The following NCKAP1 variants were observed in gnomAD, a reference collection of about 807,000 sequenced individuals.
NCKAP1 encodes NCK associated protein 1, also known as nck-associated protein 1.
NCKAP1 carries 21 observed loss-of-function variants against 151.2 expected under a neutral mutation model. That is an observed-to-expected ratio of 0.14 (90% CI 0.10 to 0.20). The LOEUF (loss-of-function observed/expected upper bound fraction) is 0.20. Among genes scored for constraint, NCKAP1 ranks in the 10% least tolerant of loss-of-function variants. The pLI is 1.00. For missense variants in NCKAP1, 933 were observed against 1,352.1 expected (o/e 0.69, Z 4.86); for synonymous variants, 484 against 451.8 (o/e 1.07, Z -0.90).
intron 1 of NCKAP1, among the ~76,000 whole-genome samples, chr2:183,034,208 C>G (rs1163695004): frequency 1.3e-5 from 2 of 152,006 alleles, no homozygotes; most frequent in African/African-American, 4.8e-5. Context: ...TAAAGACTTT[C>G]AATTTTACAA....
chr2:182,974,411 G>A (rs926486269), intron 15 of NCKAP1, among the ~76,000 whole-genome samples: 4 of 152,080 alleles, frequency 2.6e-5, no homozygotes, highest in African/African-American at 9.7e-5. Context: ...ACCTCAGAAT[G>A]TGACCTTATT....
chr2:182,957,690 T>C (rs1468367171), intron 18 of NCKAP1, 94 bp from the exon 19 acceptor site: 19 of 1,306,934 alleles, frequency 1.5e-5, no homozygotes, highest in Admixed American at 4.5e-5. Flanking sequence ...CCAGGCTGTG[T>C]TGCAAATATC....
chr2:182,929,094 A>G (rs1036341737), intron 27 of NCKAP1, among the ~76,000 whole-genome samples, 195 bp from the exon 28 acceptor site: 1 of 152,004 alleles, frequency 6.6e-6, no homozygotes, highest in African/African-American at 2.4e-5. Flanking sequence ...AGTTTATATT[A>G]CAATGGACTA....
intron 1 of NCKAP1, among the ~76,000 whole-genome samples, chr2:183,036,767 T>A (rs1241518975): frequency 6.7e-6 from 1 of 148,402 alleles, no homozygotes. Flanking sequence ...TACATCAAAT[T>A]GTAAAAAATA....
In NCKAP1 at chr2:182,942,098, C is replaced by T. The variant is rs770916184; in HGVS notation, c.2667G>A (p.Gln889=). Residue 889 remains glutamine, a synonymous_variant, in exon 24 of 31, where the codon CAG becomes CAA. Coordinates refer to ENST00000361354, the MANE Select transcript of NCKAP1 (RefSeq NM_013436.5). The part of the protein sequence containing the change: ...QMRTSFDKPD[Q]MAALFKRLSS... ...ATAATCTTTTAAACAGTGCAGCCAT[C>T]TGGTCTGGTTTGTCAAAGCTGGTCC... 3.1e-6 allele frequency: 5 copies of T among 1,613,242 alleles called. No homozygotes were observed. The highest frequency in any genetic ancestry group is 2.2e-5 in the South Asian group (2 of 90,970).
chr2:183,004,055 G>A lies in NCKAP1; in HGVS notation c.220-730C>T, dbSNP rs528140268. On this transcript the variant is annotated intron_variant, in intron 2 of 30. Transcript: ENST00000361354. The stretch of plus-strand genomic sequence containing the variant: ...TTTTTAATGCCCTATAAGATTCTCA[G>A]AATTCCAATAAATGATCTAGAACCT... Among the ~76,000 whole-genome samples the A allele has an allele frequency of 5.3e-5, 8 of 152,162 alleles. 1 individual carries two copies. Among genetic ancestry groups the A allele is most frequent in the African/African-American group, 1.9e-4 (8 of 41,514 alleles).
intron 1 of NCKAP1, among the ~76,000 whole-genome samples, chr2:183,035,979 G>A (rs1430282347): frequency 1.3e-5 from 2 of 152,060 alleles, no homozygotes; most frequent in African/African-American, 4.8e-5. Context: ...TATTTCTTAA[G>A]AAACTAAAAA....
chr2:182,957,889 C>T (rs1246007557), intron 18 of NCKAP1, among the ~76,000 whole-genome samples: 1 of 151,976 alleles, frequency 6.6e-6, no homozygotes, highest in Non-Finnish European at 1.5e-5. Flanking sequence ...TAAAAACATA[C>T]CAGGCAAGCA....
chr2:183,038,203 C>T lies in NCKAP1; in HGVS notation c.-104G>A. ...GGGCCTCCTCCCCTCCCGCCCGCGA[C>T]CTCCGCCTTAGGAGAGCGCGCCCAT... On this transcript the variant is annotated 5_prime_UTR_variant, in exon 1 of 31. Coordinates refer to ENST00000361354, the MANE Select transcript of NCKAP1 (RefSeq NM_013436.5). The T allele has an allele frequency of 1.3e-6, 1 of 777,642 alleles. No individual in the cohort carries two copies. The highest frequency in any genetic ancestry group is 2.1e-5 in the South Asian group (1 of 47,414). 48.2% of individuals were successfully genotyped at this position (777,642 alleles called of 1,614,324 possible).
In NCKAP1 at chr2:183,027,699, T is replaced by A. The variant is rs1408385606; in HGVS notation, c.109-3783A>T. Reference sequence around the variant, plus strand: ...GCAAGATCCTATCTCTACAAAAAAATTTTTAAAAAAACTTTAAGGTTTCCT... The same window carrying A: ...GCAAGATCCTATCTCTACAAAAAAAATTTTAAAAAAACTTTAAGGTTTCCT... On this transcript the variant is annotated intron_variant, in intron 1 of 30. Coordinates refer to ENST00000361354, the MANE Select transcript of NCKAP1 (RefSeq NM_013436.5). 2.6e-5 allele frequency among the ~76,000 whole-genome samples: 4 copies of A among 152,030 alleles called. No individual in the cohort carries two copies. The South Asian group carries it at 6.2e-4, about 24-fold the overall frequency.
chr2:183,008,323 T>A (rs1698520797), intron 2 of NCKAP1, among the ~76,000 whole-genome samples: 1 of 152,224 alleles, frequency 6.6e-6, no homozygotes. Flanking sequence ...TACAGGTGAA[T>A]TCTCTATACT....
intron 16 of NCKAP1, among the ~76,000 whole-genome samples, chr2:182,965,807 T>C (rs1300365032): frequency 1.3e-5 from 2 of 152,166 alleles, no homozygotes; most frequent in Non-Finnish European, 2.9e-5. Context: ...TCTAAACATA[T>C]AATGTTTCAT....
intron 9 of NCKAP1, 100 bp downstream of exon 9, chr2:182,988,920 GCTGTATCTTC>G: frequency 1.1e-6 from 1 of 892,164 alleles, no homozygotes; most frequent in Non-Finnish European, 1.7e-6. Context: ...GATGGTATAG[GCTGTATCTTC>G]CTGCACAGTG....
chr2:182,990,900 T>C (rs185209829), intron 8 of NCKAP1, among the ~76,000 whole-genome samples: 2 of 152,298 alleles, frequency 1.3e-5, no homozygotes, highest in East Asian at 3.9e-4. Context: ...ACTTGAACTA[T>C]ACAAAAATAT....
At chr2:182,941,526 T>C (rs1559074529) in intron 24 of NCKAP1, among the ~76,000 whole-genome samples, 1 of 152,164 alleles carries the variant, frequency 6.6e-6, no homozygotes, top group Non-Finnish European at 1.5e-5. Flanking sequence ...ATAAGATCAG[T>C]GGTTGTTTGG....
chr2:183,018,110 G>C (rs370512773), intron 2 of NCKAP1, among the ~76,000 whole-genome samples: 1 of 152,030 alleles, frequency 6.6e-6, no homozygotes, highest in Non-Finnish European at 1.5e-5. Context: ...AGGCGGGCGT[G>C]GTGGCAGGCA....
rs1696408434 is a variant in NCKAP1, at chr2:182,912,333, G to A, written c.*13369C>T. The A allele has an allele frequency of 6.6e-6, 1 of 152,090 alleles. No individual in the cohort carries two copies. Among genetic ancestry groups the A allele is most frequent in the African/African-American group, 2.4e-5 (1 of 41,418 alleles). The allele number at this position is 152,090 out of a possible 1,614,324, so 9.4% of individuals were successfully genotyped here. On this transcript the variant is annotated 3_prime_UTR_variant, in exon 31 of 31. Transcript: ENST00000361354. ...AACTATAAACAGTTACCACAGTTCT[G>A]TTTTTGCCAGTGCCAAAAAGATTTC... is the stretch of plus-strand genomic sequence containing the variant.
chr2:182,989,194 TA>T lies in NCKAP1; in HGVS notation c.791-9del. The T allele has an allele frequency of 6.3e-7, 1 of 1,576,834 alleles. No homozygotes were observed. Among genetic ancestry groups the T allele is most frequent in the Non-Finnish European group, 8.6e-7 (1 of 1,166,322 alleles). On this transcript the variant is annotated splice_polypyrimidine_tract_variant and intron_variant, in intron 8 of 30. Coordinates refer to ENST00000361354, the MANE Select transcript of NCKAP1 (RefSeq NM_013436.5). ...GGCACAAAATAAAGCCAACTTTAAATAAAAAGAAAGCAAATACAAATGTAAA... is the reference window on the plus strand; with the variant it reads ...GGCACAAAATAAAGCCAACTTTAAATAAAAGAAAGCAAATACAAATGTAAA...
In NCKAP1 at chr2:182,925,429, T is replaced by C. The variant is rs1040969419; in HGVS notation, c.*273A>G. ...CAAAGATTTTTTTCATTATCAAATA[T>C]CAAAAACATGTTGATAATGTATGTT... On this transcript the variant is annotated 3_prime_UTR_variant, in exon 31 of 31. Transcript: ENST00000361354. 30 of 190,810 alleles carry C rather than the reference T, an allele frequency of 1.6e-4. No individual in the cohort carries two copies. The Middle Eastern group carries it at 5.8e-3, about 37-fold the overall frequency. 11.8% of individuals were successfully genotyped at this position (190,810 alleles called of 1,614,324 possible). A position where few individuals can be genotyped will look rare whatever the true frequency, so the allele number is the denominator to read the frequency against.
Sources: allele counts gnomAD v4.1 joint callset (sites outside exome capture counted in the v4.1 genomes callset), GRCh38; gene constraint gnomAD v4.1.1; transcripts MANE v1.5; gene names NCBI Gene and HGNC (gene_info 2026-07-23, HGNC 2026-07-21).